DMBT1: variants seen among roughly 807,000 people sequenced by gnomAD.
DMBT1 encodes deleted in malignant brain tumors 1, also known as scavenger receptor cysteine-rich domain-containing protein DMBT1.
Under a neutral mutation model 252.9 loss-of-function variants are expected in DMBT1, and 198 were observed. The observed-to-expected ratio is 0.78, with a 90% CI of 0.70 to 0.88. DMBT1 has a LOEUF of 0.88. DMBT1 is among the 40% of genes least tolerant of loss of function. The pLI is 0.00. For missense variants in DMBT1, 2,432 were observed against 2,404.7 expected, an observed-to-expected ratio of 1.01 and a Z score of -0.24; for synonymous variants, 990 against 942.7, an observed-to-expected ratio of 1.05 and a Z score of -0.92.
intron 44 of DMBT1, among the ~76,000 whole-genome samples, chr10:122,621,791 A>G (rs2098072127): frequency 6.6e-6 from 1 of 152,158 alleles, no homozygotes; most frequent in Non-Finnish European, 1.5e-5. Flanking sequence ...GGGGTAGGGA[A>G]TTCTCACTTG....
chr10:122,579,432 G>A, intron 9 of DMBT1, 146 bp from the exon 10 acceptor site: 1 of 1,519,014 alleles, frequency 6.6e-7, no homozygotes, highest in South Asian at 1.3e-5. Flanking sequence ...CTTTCACGGT[G>A]ATGAAGCCTA....
At position 122,637,245 on chromosome 10, in the gene DMBT1, G is replaced by C; in HGVS notation, c.6875G>C (p.Arg2292Pro). The C allele has an allele frequency of 1.2e-6, 2 of 1,613,910 alleles. No homozygotes were observed. Among genetic ancestry groups the C allele is most frequent in the Non-Finnish European group, 1.7e-6 (2 of 1,179,886 alleles). ...ACCTGGAATGGATACTACGAGTGTC[G>C]GCCCCAGATAACGCCGAACCTGGTG... ...ISTWNGYYEC[R>P]PQITPNLVIF... Residue 2292 changes from arginine (R) to proline (P), a missense_variant, in exon 54 of 56, where the codon CGG becomes CCG. Physicochemically the swap from Arg to Pro is moderately radical, Grantham distance 103. Coordinates refer to ENST00000338354, the MANE Select transcript of DMBT1 (RefSeq NM_001377530.1).
Position 122,620,310 on chromosome 10 carries a change from C to T in DMBT1, c.5284+19C>T. 1 of 1,613,742 alleles carries T rather than the reference C, an allele frequency of 6.2e-7. No individual in the cohort carries two copies. The highest frequency in any genetic ancestry group is 8.5e-7 in the Non-Finnish European group (1 of 1,179,666). Reference sequence around the variant, plus strand: ...ACAGTAGGTAAATAATCCTCTCGCCCCTCCCTAGGGCTCACTCTCTACCTC... The same window carrying T: ...ACAGTAGGTAAATAATCCTCTCGCCTCTCCCTAGGGCTCACTCTCTACCTC... On this transcript the variant is annotated intron_variant, in intron 43 of 55. Transcript: ENST00000338354.
intron 26 of DMBT1, 27 bp from the exon 27 acceptor site, chr10:122,600,037 T>C: frequency 6.2e-7 from 1 of 1,607,978 alleles, no homozygotes; most frequent in Non-Finnish European, 8.5e-7. Context: ...ATGTTCCTGA[T>C]CTGACCTTCT....
chr10:122,630,419 C>A lies in DMBT1; in HGVS notation c.5954C>A (p.Thr1985Asn), dbSNP rs2098152770. ...QIFTSSYNRM[T>N]IHFRSDISFQ... ...TTTACATCTTCTTACAACCGAATGACCATTCACTTTCGAAGTGACATCAGT... is the reference window on the plus strand; with the variant it reads ...TTTACATCTTCTTACAACCGAATGAACATTCACTTTCGAAGTGACATCAGT... Residue 1985 changes from threonine to asparagine, a missense_variant, in exon 48 of 56, where the codon ACC (threonine) becomes AAC (asparagine). Physicochemically the swap from Thr to Asn is moderately conservative, Grantham distance 65. Coordinates refer to ENST00000338354, the MANE Select transcript of DMBT1 (RefSeq NM_001377530.1). 1 of 1,613,954 alleles carries A rather than the reference C, an allele frequency of 6.2e-7. No homozygotes were observed. The highest frequency in any genetic ancestry group is 2.2e-5 in the East Asian group (1 of 44,870).
chr10:122,569,095 G>A (rs968757615), intron 2 of DMBT1, among the ~76,000 whole-genome samples: 16 of 151,740 alleles, frequency 1.1e-4, no homozygotes, highest in South Asian at 2.1e-4. Flanking sequence ...AGGGATCATC[G>A]GCCAGTCCTT....
chr10:122,631,345 G>T, intron 49 of DMBT1, 64 bp downstream of exon 49: 1 of 1,572,104 alleles, frequency 6.4e-7, no homozygotes, highest in Non-Finnish European at 8.7e-7. Flanking sequence ...AGAGCTTAAG[G>T]CCAGTGGCTG....
chr10:122,590,338 CA>C (rs1007519528), intron 17 of DMBT1, among the ~76,000 whole-genome samples: 1 of 148,968 alleles, frequency 6.7e-6, no homozygotes, highest in African/African-American at 2.4e-5. Flanking sequence ...TAGAAGATCA[CA>C]GGCTGGATTT....
At chr10:122,590,539 G>A in intron 17 of DMBT1, 126 bp from the exon 18 acceptor site, 1 of 1,199,892 alleles carries the variant, frequency 8.3e-7, no homozygotes, top group African/African-American at 1.4e-5. Flanking sequence ...GCATGGCAAT[G>A]CCCCTCCCTC....
At chr10:122,576,033 A>G (rs981008751) in intron 6 of DMBT1, among the ~76,000 whole-genome samples, 28 of 152,098 alleles carry the variant, frequency 1.8e-4, no homozygotes, top group African/African-American at 6.3e-4. Flanking sequence ...TCCTCCCGGG[A>G]CATCTTGATG....
At chr10:122,598,041 G>A in intron 25 of DMBT1, 29 bp downstream of exon 25, 2 of 1,613,642 alleles carry the variant, frequency 1.2e-6, no homozygotes, top group Non-Finnish European at 1.7e-6. Flanking sequence ...CCTCCCTAGG[G>A]CTCACTCTCT....
In DMBT1 at chr10:122,579,669, C is replaced by T. The variant is rs760154584; in HGVS notation, c.771C>T (p.Thr257=). The part of the protein sequence containing the change: ...VEVLYRGSWG[T]VCDDYWDTND... Reference sequence around the variant, plus strand: ...TCCTATACCGAGGCTCCTGGGGCACCGTGTGTGATGACTACTGGGACACCA... The same window carrying T: ...TCCTATACCGAGGCTCCTGGGGCACTGTGTGTGATGACTACTGGGACACCA... Residue 257 remains threonine (T), a synonymous_variant, in exon 10 of 56, where the codon ACC becomes ACT. Transcript: ENST00000338354. The T allele has an allele frequency of 6.8e-6, 11 of 1,613,804 alleles. No homozygotes were observed. Among genetic ancestry groups the T allele is most frequent in the Admixed American group, 6.7e-5 (4 of 60,014 alleles).
At position 122,585,512 on chromosome 10, in the gene DMBT1, G is replaced by A. The variant is rs182331868; in HGVS notation, c.1459+203G>A. 1.1e-4 allele frequency among the ~76,000 whole-genome samples: 16 copies of A among 148,008 alleles called. 2 individuals are homozygous for A. Among genetic ancestry groups the A allele is most frequent in the East Asian group, 4.2e-4 (2 of 4,800 alleles). On this transcript the variant is annotated intron_variant, in intron 15 of 55. Transcript: ENST00000338354. ...GGAGGGTGCTGGTGACTTTTCTCCC[G>A]TGGAATCCTGTTCCAAGTGGTCAGG... is the stretch of plus-strand genomic sequence containing the variant.
chr10:122,634,418 TCTCTCTCTCTC>T (rs2098200073), intron 52 of DMBT1, among the ~76,000 whole-genome samples: 2 of 103,264 alleles, frequency 1.9e-5, no homozygotes, highest in African/African-American at 9.1e-5. Flanking sequence ...TCTTTCTCTC[TCTCTCTCTCTC>T]TTCTCTCTCT....
At chr10:122,632,794 AT>A in intron 50 of DMBT1, 66 bp from the exon 51 acceptor site, 26 of 1,587,160 alleles carry the variant, frequency 1.6e-5, no homozygotes, top group Non-Finnish European at 2.2e-5. Flanking sequence ...TGCACAGCTC[AT>A]GAGCAGTCGA....
intron 16 of DMBT1, among the ~76,000 whole-genome samples, chr10:122,588,337 G>A (rs1225764377): frequency 6.8e-6 from 1 of 147,828 alleles, no homozygotes; most frequent in Non-Finnish European, 1.5e-5. Context: ...TGGTGTTGGA[G>A]GGTAGAGGGG....
intron 27 of DMBT1, 66 bp from the exon 28 acceptor site, chr10:122,600,925 A>T: frequency 1.5e-6 from 1 of 685,162 alleles, no homozygotes; most frequent in Non-Finnish European, 2.7e-6. Context: ...CCTCCCAGAG[A>T]ACCTTTTGTT....
intron 46 of DMBT1, 124 bp from the exon 47 acceptor site, chr10:122,629,715 AG>A (rs2098144098): frequency 5.9e-6 from 7 of 1,193,962 alleles, no homozygotes; most frequent in Non-Finnish European, 8.2e-6. Context: ...ACTTGTTTAC[AG>A]GGAAAGTTAA....
chr10:122,579,268 G>T (rs2097743155), intron 9 of DMBT1, among the ~76,000 whole-genome samples: 1 of 152,100 alleles, frequency 6.6e-6, no homozygotes, highest in Non-Finnish European at 1.5e-5. Flanking sequence ...ATAAGGGAGG[G>T]GTCTGGGCCT....
Sources: allele counts gnomAD v4.1 joint callset (sites outside exome capture counted in the v4.1 genomes callset), GRCh38; gene constraint gnomAD v4.1.1; transcripts MANE v1.5; gene names NCBI Gene and HGNC (gene_info 2026-07-23, HGNC 2026-07-21).